SLC6A20: variants seen among roughly 807,000 people sequenced by gnomAD.
The protein encoded by SLC6A20 is solute carrier family 6 member 20, also known as sodium- and chloride-dependent transporter XTRP3.
SLC6A20 carries 73 observed loss-of-function variants against 64.3 expected under a neutral mutation model. That is an observed-to-expected ratio of 1.14 (90% confidence interval 0.94 to 1.38). The LOEUF (loss-of-function observed/expected upper bound fraction) is 1.38. Ranked by LOEUF, SLC6A20 falls within the 40% of genes most tolerant of loss-of-function variation. SLC6A20 has a pLI of 0.00. For synonymous variants in SLC6A20, 347 were observed against 329.6 expected (o/e 1.05, Z -0.57); for missense variants, 725 against 772.8 (o/e 0.94, Z 0.73).
chr3:45,783,066 A>T (rs1258988488), intron 1 of SLC6A20, among the ~76,000 whole-genome samples: 1 of 152,254 alleles, frequency 6.6e-6, no homozygotes, highest in Non-Finnish European at 1.5e-5. Context: ...GGTGCTCCAC[A>T]TGAGGTAGTG....
In SLC6A20 at chr3:45,782,150, C is replaced by T; in HGVS notation, c.195G>A (p.Val65=). 6.2e-7 allele frequency: 1 copy of T among 1,613,858 alleles called. No individual in the cohort carries two copies. Among genetic ancestry groups the T allele is most frequent in the Non-Finnish European group, 8.5e-7 (1 of 1,179,920 alleles). ...GMPLLYLELA[V]GQRMRQGSIG... ...TGCTGCCCTGCCGCATGCGCTGCCCCACAGCCAGTTCCAGGTACAAGAGCG... is the reference window on the plus strand; with the variant it reads ...TGCTGCCCTGCCGCATGCGCTGCCCTACAGCCAGTTCCAGGTACAAGAGCG... Residue 65 remains valine, a synonymous_variant, in exon 2 of 11, where the codon GTG becomes GTA. Transcript: ENST00000358525.
rs912464711 is a variant in SLC6A20 at position 45,756,669 on chromosome 3, C to T, written c.*2309G>A. ...TTCAAAGATATCTGTGCAAATATAT[C>T]CACAGAAACTCTCCAGAATTCCATG... On this transcript the variant is annotated 3_prime_UTR_variant, in exon 11 of 11. Transcript: ENST00000358525. 6.6e-6 allele frequency: 1 copy of T among 152,184 alleles called. No homozygotes were observed. Among genetic ancestry groups the T allele is most frequent in the Non-Finnish European group, 1.5e-5 (1 of 68,040 alleles). 9.4% of individuals were successfully genotyped at this position (152,184 alleles called of 1,614,324 possible). A position where few individuals can be genotyped will look rare whatever the true frequency, so the allele number is the denominator to read the frequency against.
At chr3:45,794,537 A>T (rs1700315567) in intron 1 of SLC6A20, among the ~76,000 whole-genome samples, 1 of 152,124 alleles carries the variant, frequency 6.6e-6, no homozygotes, top group South Asian at 2.1e-4. Context: ...CAGGCACAGG[A>T]TTACTTCTTG....
chr3:45,772,229 C>T, intron 5 of SLC6A20: 1 of 377,058 alleles, frequency 2.7e-6, no homozygotes, highest in Non-Finnish European at 4.8e-6. Flanking sequence ...GAGGCAGTGG[C>T]AGGGGTGCAG....
chr3:45,762,940 G>T lies in SLC6A20; in HGVS notation c.1436C>A (p.Ala479Asp). The change falls in exon 9 of 11, where the codon GCC (alanine) becomes GAC (aspartate). Residue 479 changes from alanine (A) to aspartate (D), a missense_variant. Transcript: ENST00000358525. ...CCTCAGCCCGTACACGTAGCACACGGCAATCGTCTCCACCAGCACGATGAG... is the reference window on the plus strand; with the variant it reads ...CCTCAGCCCGTACACGTAGCACACGTCAATCGTCTCCACCAGCACGATGAG... ...LLLIVLVETIAVCYVYGLRRF... is the reference protein window; with the variant it reads ...LLLIVLVETIDVCYVYGLRRF... 3 of 1,614,120 alleles carry T rather than the reference G, an allele frequency of 1.9e-6. No homozygotes were observed. Among genetic ancestry groups the T allele is most frequent in the Non-Finnish European group, 2.5e-6 (3 of 1,180,030 alleles).
chr3:45,782,456 T>G (rs904428190), intron 1 of SLC6A20, among the ~76,000 whole-genome samples: 1 of 152,020 alleles, frequency 6.6e-6, no homozygotes, highest in African/African-American at 2.4e-5. Flanking sequence ...CTACTATTCA[T>G]TCACCCACTT....
At chr3:45,766,955 T>C (rs1219761869) in intron 7 of SLC6A20, among the ~76,000 whole-genome samples, 2 of 152,184 alleles carry the variant, frequency 1.3e-5, no homozygotes, top group African/African-American at 2.4e-5. Context: ...CTGCGCAACA[T>C]AGCAAGACCT....
intron 4 of SLC6A20, among the ~76,000 whole-genome samples, chr3:45,772,934 CA>C (rs1483710473): frequency 1.3e-5 from 2 of 152,164 alleles, no homozygotes; most frequent in East Asian, 3.9e-4. Flanking sequence ...TGAGGTTACC[CA>C]CAAAAACACA....
chr3:45,775,735 C>T (rs534875904), intron 4 of SLC6A20, 26 bp downstream of exon 4: 41 of 1,599,350 alleles, frequency 2.6e-5, no homozygotes, highest in East Asian at 1.6e-4. Context: ...CCAGGAGCAC[C>T]GGGCTTCTGT....
chr3:45,760,510 G>T (rs973092390), intron 9 of SLC6A20, among the ~76,000 whole-genome samples: 1 of 152,114 alleles, frequency 6.6e-6, no homozygotes, highest in Admixed American at 6.5e-5. Context: ...ACCAGAGCAG[G>T]TTTTCTGGGA....
intron 5 of SLC6A20, 27 bp downstream of exon 5, chr3:45,772,477 CG>C: frequency 6.3e-7 from 1 of 1,594,112 alleles, no homozygotes; most frequent in Non-Finnish European, 8.6e-7. Flanking sequence ...GAGGGGTGCC[CG>C]TAGGGCCCTT....
chr3:45,787,438 T>C (rs1195384167), intron 1 of SLC6A20, among the ~76,000 whole-genome samples: 1 of 152,176 alleles, frequency 6.6e-6, no homozygotes, highest in Non-Finnish European at 1.5e-5. Context: ...TTTCCCTATG[T>C]GAATAATGCT....
intron 9 of SLC6A20, 34 bp downstream of exon 9, chr3:45,762,879 T>C (rs1553660190): frequency 6.2e-7 from 1 of 1,611,048 alleles, no homozygotes; most frequent in Middle Eastern, 1.7e-4. Flanking sequence ...GGCTGTGTTT[T>C]CCCTATGCAA....
At chr3:45,792,813 T>A (rs1399186047) in intron 1 of SLC6A20, among the ~76,000 whole-genome samples, 1 of 152,230 alleles carries the variant, frequency 6.6e-6, no homozygotes, top group African/African-American at 2.4e-5. Context: ...CTGCAAATTC[T>A]TGGAATTGGG....
rs13314717 is a variant in SLC6A20, at chr3:45,775,836, C to T, written c.507G>A (p.Glu169=). 8.8e-3 allele frequency: 14,133 copies of T among 1,614,144 alleles called. 643 individuals are homozygous for T. The African/African-American group carries it at 0.12, about 13-fold the overall frequency. The part of the protein sequence containing the change: ...SLQENGGVQW[E]PALCLLLAWL... ...AGGCCAGGAGGAGGCACAGCGCCGG[C>T]TCCCACTGCACACCCCCGTTCTCCT... Residue 169 remains glutamate, a synonymous_variant, in exon 4 of 11, where the codon GAG becomes GAA. Transcript: ENST00000358525.
chr3:45,781,481 G>T (rs943628189), intron 2 of SLC6A20, among the ~76,000 whole-genome samples: 2 of 152,178 alleles, frequency 1.3e-5, no homozygotes, highest in African/African-American at 4.8e-5. Context: ...CATAAGCAAT[G>T]TGCAGGGCAG....
At position 45,775,819 on chromosome 3, in the gene SLC6A20, A is replaced by G. The variant is rs1699955065; in HGVS notation, c.524T>C (p.Leu175Pro). Residue 175 changes from leucine to proline, a missense_variant, in exon 4 of 11, where the codon CTC becomes CCC. By Grantham distance (98) the Leu-to-Pro change is moderately conservative. Coordinates refer to ENST00000358525, the MANE Select transcript of SLC6A20 (RefSeq NM_020208.4). ...GVQWEPALCL[L>P]LAWLVVYLCI... The stretch of plus-strand genomic sequence containing the variant: ...CAGGTACACCACCAGCCAGGCCAGG[A>G]GGAGGCACAGCGCCGGCTCCCACTG... The G allele has an allele frequency of 6.2e-7, 1 of 1,613,844 alleles. No individual in the cohort carries two copies.
intron 1 of SLC6A20, chr3:45,790,265 AC>A (rs1700227501): frequency 6.6e-6 from 1 of 151,566 alleles, no homozygotes; most frequent in Non-Finnish European, 1.5e-5. Flanking sequence ...TTTTTTGTAA[AC>A]CTTTTTTTTT....
chr3:45,790,890 A>G (rs1377230228), intron 1 of SLC6A20, among the ~76,000 whole-genome samples: 2 of 152,058 alleles, frequency 1.3e-5, no homozygotes, highest in Admixed American at 6.5e-5. Flanking sequence ...TCTCACAGCC[A>G]CCTGGGGTTT....
Sources: gnomAD v4.1 joint callset for allele counts (sites outside exome capture counted in the v4.1 genomes callset) on GRCh38, gnomAD v4.1.1 for gene constraint, MANE v1.5 for transcripts, NCBI Gene and HGNC (gene_info 2026-07-23, HGNC 2026-07-21) for gene names.